The following PAFAH1B2 variants were observed in gnomAD, a reference collection of about 807,000 sequenced individuals.
The protein encoded by PAFAH1B2 is platelet-activating factor acetylhydrolase IB subunit alpha2.
Under a neutral mutation model 28.0 loss-of-function variants are expected in PAFAH1B2, and 8 were observed. The observed-to-expected ratio is 0.29, with a 90% CI of 0.17 to 0.52. The LOEUF is 0.52. Ranked by LOEUF, PAFAH1B2 falls within the 20% of genes least tolerant of loss-of-function variation. The pLI is 0.97. For missense variants in PAFAH1B2, 190 were observed against 282.6 expected, an observed-to-expected ratio of 0.67 and a Z score of 2.35; for synonymous variants, 104 against 103.2, an observed-to-expected ratio of 1.01 and a Z score of -0.05.
intron 1 of PAFAH1B2, among the ~76,000 whole-genome samples, chr11:117,147,508 C>G (rs1956042126): frequency 6.6e-6 from 1 of 152,284 alleles, no homozygotes; most frequent in African/African-American, 2.4e-5. Context: ...ACAACAGTTT[C>G]TCTGATTTCC....
intron 1 of PAFAH1B2, among the ~76,000 whole-genome samples, chr11:117,149,695 G>A (rs550494041): frequency 1.3e-5 from 2 of 151,754 alleles, no homozygotes; most frequent in South Asian, 2.1e-4. Context: ...GCCTCCCAAA[G>A]TGCTGGGATT....
intron 2 of PAFAH1B2, among the ~76,000 whole-genome samples, chr11:117,156,615 T>A (rs1479673531): frequency 6.6e-6 from 1 of 152,180 alleles, no homozygotes; most frequent in Non-Finnish European, 1.5e-5. Context: ...GTCCTTTCTA[T>A]TTTTCCAAAT....
At chr11:117,171,678 G>T (rs969074633), downstream of PAFAH1B2, 11 of 1,533,694 alleles carry the variant, frequency 7.2e-6, no homozygotes, top group African/African-American at 1.4e-4. Context: ...TAGAACAAGG[G>T]TCGGTTAACT....
chr11:117,177,942 C>T (rs1314127891), downstream of PAFAH1B2, among the ~76,000 whole-genome samples: 1 of 152,118 alleles, frequency 6.6e-6, no homozygotes, highest in Non-Finnish European at 1.5e-5. Context: ...TTAACCAATC[C>T]CTCATTATGG....
Position 117,168,785 on chromosome 11 carries a change from T to A in PAFAH1B2, c.*1086T>A. On this transcript the variant is annotated 3_prime_UTR_variant, in exon 6 of 6. Transcript: ENST00000527958. ...GTATATTTTATTTTTTTTATTGGCT[T>A]AGTTGTTTTTTGTTTTGTTTTGTTT... 1.0e-6 allele frequency: 1 copy of A among 987,108 alleles called. No homozygotes were observed. Among genetic ancestry groups the A allele is most frequent in the Non-Finnish European group, 1.2e-6 (1 of 814,340 alleles). 61.1% of individuals were successfully genotyped at this position (987,108 alleles called of 1,614,324 possible). A position where few individuals can be genotyped will look rare whatever the true frequency, so the allele number is the denominator to read the frequency against.
intron 1 of PAFAH1B2, among the ~76,000 whole-genome samples, chr11:117,147,757 T>C (rs1956048543): frequency 6.6e-6 from 1 of 152,228 alleles, no homozygotes; most frequent in Non-Finnish European, 1.5e-5. Flanking sequence ...TCAGATACTT[T>C]GCCATTGTAG....
intron 2 of PAFAH1B2, 64 bp from the exon 3 acceptor site, chr11:117,159,870 C>A: frequency 8.5e-7 from 1 of 1,175,338 alleles, no homozygotes; most frequent in South Asian, 1.2e-5. Flanking sequence ...AGAGTTCAAG[C>A]ATGGGCCACC....
chr11:117,171,831 CAGT>C, downstream of PAFAH1B2: 2 of 1,016,456 alleles, frequency 2.0e-6, no homozygotes. Context: ...CTGTTCACCT[CAGT>C]GGTATACTGT....
intron 2 of PAFAH1B2, among the ~76,000 whole-genome samples, chr11:117,154,808 C>T (rs1368330875): frequency 6.6e-6 from 1 of 152,048 alleles, no homozygotes; most frequent in Non-Finnish European, 1.5e-5. Flanking sequence ...CCTCAGTTTG[C>T]TTCAAAATAG....
Position 117,167,455 on chromosome 11 carries a change from T to G in PAFAH1B2, c.446T>G (p.Leu149Trp), listed in dbSNP as rs756557999. ...LLPRGEKPNP[L>W]RQKNAKVNQL... Reference sequence around the variant, plus strand: ...CCTCGAGGTGAGAAACCCAATCCTTTGAGGCAAAAGAACGCCAAGGTGAAC... The same window carrying G: ...CCTCGAGGTGAGAAACCCAATCCTTGGAGGCAAAAGAACGCCAAGGTGAAC... Residue 149 changes from leucine (L) to tryptophan (W), a missense_variant, in exon 6 of 6, where the codon TTG becomes TGG. Transcript: ENST00000527958. 6.3e-7 allele frequency: 1 copy of G among 1,597,862 alleles called. No homozygotes were observed. Among genetic ancestry groups the G allele is most frequent in the Non-Finnish European group, 8.6e-7 (1 of 1,168,596 alleles).
intron 4 of PAFAH1B2, among the ~76,000 whole-genome samples, chr11:117,162,233 G>A (rs1346382481): frequency 3.3e-5 from 5 of 151,992 alleles, no homozygotes; most frequent in Admixed American, 6.6e-5. Flanking sequence ...TGTTGGACTC[G>A]GATGATCCTA....
At chr11:117,171,947 C>G (rs1015952024), downstream of PAFAH1B2, among the ~76,000 whole-genome samples, 1 of 152,056 alleles carries the variant, frequency 6.6e-6, no homozygotes. Context: ...TCTCATCACA[C>G]CAAGTTCCTC....
intron 3 of PAFAH1B2, 59 bp downstream of exon 3, chr11:117,160,082 A>G (rs570085954): frequency 2.1e-5 from 24 of 1,141,738 alleles, no homozygotes; most frequent in African/African-American, 1.5e-4. Flanking sequence ...ATTCATTACT[A>G]ACAGACTTTC....
downstream of PAFAH1B2, among the ~76,000 whole-genome samples, chr11:117,174,505 G>T (rs1176825689): frequency 1.5e-5 from 2 of 137,544 alleles, no homozygotes; most frequent in Non-Finnish European, 3.2e-5. Context: ...TTTTTTTTTA[G>T]TGGTGTTTCA....
At chr11:117,157,887 C>T (rs1956287177) in intron 2 of PAFAH1B2, among the ~76,000 whole-genome samples, 1 of 152,152 alleles carries the variant, frequency 6.6e-6, no homozygotes, top group Non-Finnish European at 1.5e-5. Context: ...CCTGTAATCC[C>T]AGCACTTTTG....
downstream of PAFAH1B2, among the ~76,000 whole-genome samples, chr11:117,174,161 C>CTT (rs1247611997): frequency 2.4e-5 from 2 of 84,200 alleles, no homozygotes; most frequent in African/African-American, 7.4e-5. Context: ...GTCTTCATGT[C>CTT]TTTTGTGTGT....
chr11:117,164,332 G>C (rs1956447856), intron 5 of PAFAH1B2, among the ~76,000 whole-genome samples: 1 of 152,076 alleles, frequency 6.6e-6, no homozygotes, highest in Non-Finnish European at 1.5e-5. Flanking sequence ...GCGTGAACTT[G>C]GGAGGCAGAG....
At position 117,152,939 on chromosome 11, in the gene PAFAH1B2, G is replaced by A. The variant is rs1359008154; in HGVS notation, c.81+411G>A. Among the ~76,000 whole-genome samples, 9 of 152,280 alleles carry A rather than the reference G, an allele frequency of 5.9e-5. No homozygotes were observed. The East Asian group carries it at 7.7e-4, about 13-fold the overall frequency. On this transcript the variant is annotated intron_variant, in intron 2 of 5. Coordinates refer to ENST00000527958, the MANE Select transcript of PAFAH1B2 (RefSeq NM_002572.4). ...AAGTTAGCCGGTTGTGGTGGCAGGC[G>A]CCTATAGTCCCAGTTACTGAGGAGG...
chr11:117,151,106 T>C (rs948609725), intron 1 of PAFAH1B2, among the ~76,000 whole-genome samples: 1 of 152,182 alleles, frequency 6.6e-6, no homozygotes, highest in African/African-American at 2.4e-5. Flanking sequence ...TTCTGCAGAA[T>C]TGATTGAAAG....
Sources: gnomAD v4.1 joint callset for allele counts (sites outside exome capture counted in the v4.1 genomes callset) on GRCh38, gnomAD v4.1.1 for gene constraint, MANE v1.5 for transcripts, NCBI Gene and HGNC (gene_info 2026-07-23, HGNC 2026-07-21) for gene names.